CCSER1: variants seen among roughly 807,000 people sequenced by gnomAD.
CCSER1 encodes serine-rich coiled-coil domain-containing protein 1.
In CCSER1, 41 loss-of-function variants were observed where a neutral mutation model predicts 82.0. The observed-to-expected ratio is 0.50, with a 90% CI of 0.39 to 0.65. The LOEUF is 0.65. Ranked by LOEUF, CCSER1 falls within the 30% of genes least tolerant of loss-of-function variation. CCSER1 has a pLI of 0.00. For missense variants in CCSER1, 1,119 were observed against 1,064.2 expected (o/e 1.05, Z -0.72); for synonymous variants, 414 against 383.9 (o/e 1.08, Z -0.92).
At chr4:90,566,895 C>G (rs573744403) in intron 5 of CCSER1, among the ~76,000 whole-genome samples, 2 of 152,148 alleles carry the variant, frequency 1.3e-5, no homozygotes, top group East Asian at 3.9e-4. Flanking sequence ...AGCCACAGCG[C>G]CCGGCCACCT....
At chr4:91,324,441 G>A (rs1560589622) in intron 10 of CCSER1, among the ~76,000 whole-genome samples, 1 of 152,056 alleles carries the variant, frequency 6.6e-6, no homozygotes, top group Non-Finnish European at 1.5e-5. Context: ...CAAAATGTTG[G>A]TGACAAGTTT....
chr4:91,544,110 T>A (rs1761752844), intron 10 of CCSER1, among the ~76,000 whole-genome samples: 1 of 152,178 alleles, frequency 6.6e-6, no homozygotes, highest in Admixed American at 6.5e-5. Context: ...CTGAAGCTTG[T>A]GCATGCGTCA....
chr4:90,217,629 T>C (rs533364036), intron 1 of CCSER1, among the ~76,000 whole-genome samples: 6 of 152,194 alleles, frequency 3.9e-5, no homozygotes, highest in Non-Finnish European at 7.3e-5. Flanking sequence ...TCCAGTACTA[T>C]GTTGAATAGG....
intron 9 of CCSER1, among the ~76,000 whole-genome samples, chr4:91,067,576 C>A (rs575138953): frequency 2.6e-5 from 4 of 152,148 alleles, no homozygotes; most frequent in Admixed American, 2.6e-4. Context: ...AACTCCTGGG[C>A]TCAAGTGATG....
rs542585495 is a variant in CCSER1 at position 91,293,208 on chromosome 4, C to A, written c.2217+207214C>A. 1.9e-4 allele frequency among the ~76,000 whole-genome samples: 29 copies of A among 151,902 alleles called. 1 individual carries two copies. Among genetic ancestry groups the A allele is most frequent in the Non-Finnish European group, 3.7e-4 (25 of 67,942 alleles). On this transcript the variant is annotated intron_variant, in intron 10 of 10. Transcript: ENST00000509176. ...AGTTCCTTTCCCACTCAGCACCATC[C>A]ACTACAACCCTTGTTGTACCGGCCA...
intron 1 of CCSER1, among the ~76,000 whole-genome samples, chr4:90,271,863 T>TATATA (rs61116868): frequency 6.1e-3 from 120 of 19,648 alleles, no homozygotes; most frequent in African/African-American, 0.021. Context: ...TATATATATA[T>TATATA]TTTTTTTTTT....
intron 1 of CCSER1, among the ~76,000 whole-genome samples, chr4:90,291,219 C>T (rs1730882213): frequency 6.6e-6 from 1 of 152,028 alleles, no homozygotes; most frequent in Non-Finnish European, 1.5e-5. Flanking sequence ...ATCAGGAATA[C>T]TGTGTTCTAT....
At chr4:90,328,914 T>TA (rs1183980032) in intron 3 of CCSER1, among the ~76,000 whole-genome samples, 4 of 152,058 alleles carry the variant, frequency 2.6e-5, no homozygotes, top group South Asian at 2.1e-4. Context: ...TGTCTAAAAA[T>TA]AAAAAAAGTA....
intron 10 of CCSER1, among the ~76,000 whole-genome samples, chr4:91,088,855 AT>A (rs1049582816): frequency 1.2e-4 from 18 of 149,466 alleles, no homozygotes; most frequent in Admixed American, 2.7e-4. Context: ...TAGATAAGTC[AT>A]TTTTTTTTTC....
intron 10 of CCSER1, among the ~76,000 whole-genome samples, chr4:91,357,781 T>G (rs192545641): frequency 6.7e-6 from 1 of 148,686 alleles, no homozygotes; most frequent in East Asian, 1.9e-4. Flanking sequence ...ACTTTCTGAC[T>G]TATTACAAAC....
At chr4:90,512,417 A>G (rs958062609) in intron 5 of CCSER1, among the ~76,000 whole-genome samples, 2 of 152,060 alleles carry the variant, frequency 1.3e-5, no homozygotes, top group Admixed American at 1.3e-4. Context: ...TCAATATAAC[A>G]TGTGTTAGAT....
chr4:90,158,384 G>C (rs1728732841), intron 1 of CCSER1, among the ~76,000 whole-genome samples: 1 of 152,176 alleles, frequency 6.6e-6, no homozygotes. Context: ...CTGCGTGCTG[G>C]GAGAACCACT....
intron 8 of CCSER1, among the ~76,000 whole-genome samples, chr4:90,866,106 AC>A (rs1026902326): frequency 6.6e-6 from 1 of 151,758 alleles, no homozygotes; most frequent in Non-Finnish European, 1.5e-5. Context: ...AAGAGTCCCC[AC>A]CTCTGAAATT....
intron 1 of CCSER1, among the ~76,000 whole-genome samples, chr4:90,176,048 A>G (rs1362703507): frequency 6.6e-6 from 1 of 152,034 alleles, no homozygotes; most frequent in Non-Finnish European, 1.5e-5. Context: ...GTGATCTTAA[A>G]TAGAGTGATC....
chr4:91,292,706 A>G (rs1743848109), intron 10 of CCSER1, among the ~76,000 whole-genome samples: 1 of 152,068 alleles, frequency 6.6e-6, no homozygotes, highest in Non-Finnish European at 1.5e-5. Flanking sequence ...TACAATATGT[A>G]AAGAAAGAAG....
chr4:91,461,938 A>G (rs1406138252), intron 10 of CCSER1, among the ~76,000 whole-genome samples: 1 of 152,194 alleles, frequency 6.6e-6, no homozygotes, highest in Non-Finnish European at 1.5e-5. Context: ...TGGTGAAAAT[A>G]CATTCATTAT....
chr4:91,408,346 T>A (rs1752826403), intron 10 of CCSER1, among the ~76,000 whole-genome samples: 1 of 152,340 alleles, frequency 6.6e-6, no homozygotes, highest in South Asian at 2.1e-4. Context: ...AGTATAATTC[T>A]CTACTATCAA....
intron 7 of CCSER1, among the ~76,000 whole-genome samples, chr4:90,737,972 A>G (rs1359465623): frequency 6.6e-6 from 1 of 152,104 alleles, no homozygotes; most frequent in Admixed American, 6.5e-5. Context: ...TGTTAAATTT[A>G]TGTGATAGGT....
chr4:91,541,990 AT>A (rs1220626908), intron 10 of CCSER1, among the ~76,000 whole-genome samples: 1 of 152,116 alleles, frequency 6.6e-6, no homozygotes, highest in Non-Finnish European at 1.5e-5. Flanking sequence ...GATGATGAGC[AT>A]TTTTTCATGT....
Sources: allele counts gnomAD v4.1 joint callset (sites outside exome capture counted in the v4.1 genomes callset), GRCh38; gene constraint gnomAD v4.1.1; transcripts MANE v1.5; gene names NCBI Gene and HGNC (gene_info 2026-07-23, HGNC 2026-07-21).